The following ADAMTS12 variants were observed in gnomAD, a reference collection of about 807,000 sequenced individuals.
The protein encoded by ADAMTS12 is A disintegrin and metalloproteinase with thrombospondin motifs 12.
Under a neutral mutation model 167.8 loss-of-function variants are expected in ADAMTS12, and 118 were observed. The ratio of observed to expected loss-of-function variants is 0.70; its 90% CI spans 0.61 to 0.82. The LOEUF (loss-of-function observed/expected upper bound fraction) is 0.82, where lower values mean the gene tolerates loss of function less well. Among genes scored for constraint, ADAMTS12 ranks in the 40% least tolerant of loss-of-function variants. ADAMTS12 has a pLI of 0.00. For missense variants in ADAMTS12, 1,916 were observed against 1,998.8 expected (o/e 0.96, Z 0.79); for synonymous variants, 704 against 716.9 (o/e 0.98, Z 0.29).
At chr5:33,669,171 CA>C in intron 5 of ADAMTS12, among the ~76,000 whole-genome samples, 1 of 152,188 alleles carries the variant, frequency 6.6e-6, no homozygotes, top group Non-Finnish European at 1.5e-5. Context: ...CTATGTTCAG[CA>C]AATCATAATT....
At chr5:33,554,749 C>T (rs1454347144) in intron 20 of ADAMTS12, among the ~76,000 whole-genome samples, 2 of 152,072 alleles carry the variant, frequency 1.3e-5, no homozygotes, top group African/African-American at 2.4e-5. Context: ...AAATTCAGGT[C>T]CATAAAATGC....
intron 3 of ADAMTS12, among the ~76,000 whole-genome samples, chr5:33,715,473 G>GCATA (rs1743570461): frequency 6.6e-6 from 1 of 152,068 alleles, no homozygotes; most frequent in Non-Finnish European, 1.5e-5. Flanking sequence ...GAAAAAATAA[G>GCATA]CATATATGAG....
chr5:33,603,976 G>T (rs187986548), intron 16 of ADAMTS12, among the ~76,000 whole-genome samples: 2 of 152,276 alleles, frequency 1.3e-5, no homozygotes, highest in East Asian at 3.9e-4. Flanking sequence ...CCTTGTTAGT[G>T]TCTTACTACC....
At chr5:33,687,601 A>T (rs1274465002) in intron 3 of ADAMTS12, among the ~76,000 whole-genome samples, 1 of 152,248 alleles carries the variant, frequency 6.6e-6, no homozygotes, top group Non-Finnish European at 1.5e-5. Flanking sequence ...AAAAATTGTC[A>T]TCACTGGGGT....
intron 2 of ADAMTS12, among the ~76,000 whole-genome samples, chr5:33,793,766 GC>G (rs1746665753): frequency 6.6e-6 from 1 of 152,028 alleles, no homozygotes; most frequent in African/African-American, 2.4e-5. Context: ...CTCCCACCGT[GC>G]CCCCACCAAC....
intron 18 of ADAMTS12, among the ~76,000 whole-genome samples, chr5:33,577,692 A>G (rs1746829837): frequency 6.6e-6 from 1 of 152,180 alleles, no homozygotes; most frequent in African/African-American, 2.4e-5. Flanking sequence ...GTGGAATCAG[A>G]TTAAAAGCTA....
chr5:33,702,065 C>A (rs1392979686), intron 3 of ADAMTS12, among the ~76,000 whole-genome samples: 2 of 152,140 alleles, frequency 1.3e-5, no homozygotes, highest in African/African-American at 2.4e-5. Context: ...AAACTAAAGT[C>A]TCCAACCCAT....
Position 33,859,538 on chromosome 5 carries a change from C to A in ADAMTS12, c.489+21581G>T, listed in dbSNP as rs190360510. 6.6e-5 allele frequency among the ~76,000 whole-genome samples: 10 copies of A among 152,342 alleles called. No homozygotes were observed. The East Asian group carries it at 1.9e-3, about 29-fold the overall frequency. The stretch of plus-strand genomic sequence containing the variant: ...GGGCTTATAGATATAACTCCCATCT[C>A]CCTGGGACAGAGCATTTGGGTGAAG... On this transcript the variant is annotated intron_variant, in intron 2 of 23. Coordinates refer to ENST00000504830, the MANE Select transcript of ADAMTS12 (RefSeq NM_030955.4).
intron 2 of ADAMTS12, among the ~76,000 whole-genome samples, chr5:33,799,301 T>G (rs1746903407): frequency 6.6e-6 from 1 of 152,324 alleles, no homozygotes; most frequent in South Asian, 2.1e-4. Flanking sequence ...AATCCCAACC[T>G]TCTTTCTACT....
At chr5:33,669,555 C>T (rs567700946) in intron 5 of ADAMTS12, among the ~76,000 whole-genome samples, 3 of 152,132 alleles carry the variant, frequency 2.0e-5, no homozygotes, top group African/African-American at 7.2e-5. Flanking sequence ...TATATTTGCA[C>T]TCTATAATGT....
intron 2 of ADAMTS12, among the ~76,000 whole-genome samples, chr5:33,835,948 T>TCTCCCTCTCTCC (rs1748504045): frequency 2.8e-5 from 1 of 35,494 alleles, no homozygotes; most frequent in African/African-American, 8.8e-5. Flanking sequence ...TCTCTCTCTC[T>TCTCCCTCTCTCC]CTCTCTGTGT....
rs1743786447 is a variant in ADAMTS12 at position 33,525,794 on chromosome 5, T to C, written c.*1394A>G. The C allele has an allele frequency of 1.3e-5, 2 of 152,230 alleles. No individual in the cohort carries two copies. The allele number at this position is 152,230 out of a possible 1,614,324, so 9.4% of individuals were successfully genotyped here. On this transcript the variant is annotated 3_prime_UTR_variant, in exon 24 of 24. Transcript: ENST00000504830. ...GTCAAGAATTGGTTCTGATATCTTC[T>C]TTCATTTGAAGCTTATGCCCCTCCA... is the stretch of plus-strand genomic sequence containing the variant.
At chr5:33,591,565 T>C (rs914174169) in intron 17 of ADAMTS12, among the ~76,000 whole-genome samples, 2 of 152,192 alleles carry the variant, frequency 1.3e-5, no homozygotes, top group East Asian at 3.8e-4. Flanking sequence ...TCTTACCTCC[T>C]GGCTCTGTGT....
rs551424539 is a variant in ADAMTS12 at position 33,573,336 on chromosome 5, C to T, written c.3972+2718G>A. On this transcript the variant is annotated intron_variant, in intron 19 of 23. Transcript: ENST00000504830. Reference sequence around the variant, plus strand: ...AACAAAGCCAGAGGCATCACGCTACCTGACTTCAAACTATACTACAAGGCT... The same window carrying T: ...AACAAAGCCAGAGGCATCACGCTACTTGACTTCAAACTATACTACAAGGCT... Among the ~76,000 whole-genome samples, 34 of 152,326 alleles carry T rather than the reference C, an allele frequency of 2.2e-4. No individual in the cohort carries two copies. The East Asian group carries it at 6.6e-3, about 29-fold the overall frequency.
At chr5:33,891,193 T>C (rs1561332569) in intron 1 of ADAMTS12, among the ~76,000 whole-genome samples, 1 of 152,128 alleles carries the variant, frequency 6.6e-6, no homozygotes, top group African/African-American at 2.4e-5. Context: ...TATGGAGGTA[T>C]AGTTCCCCCA....
chr5:33,831,487 G>C (rs1054283030), intron 2 of ADAMTS12, among the ~76,000 whole-genome samples: 5 of 152,184 alleles, frequency 3.3e-5, no homozygotes, highest in African/African-American at 1.2e-4. Context: ...AGCCCAAATA[G>C]TAGTCTGGCT....
intron 2 of ADAMTS12, among the ~76,000 whole-genome samples, chr5:33,806,448 T>C (rs992520796): frequency 6.6e-5 from 10 of 152,192 alleles, no homozygotes; most frequent in African/African-American, 2.2e-4. Context: ...CAGAAAGAAG[T>C]AACTTTTTAA....
chr5:33,736,586 A>T (rs1222795297), intron 3 of ADAMTS12, among the ~76,000 whole-genome samples: 1 of 152,174 alleles, frequency 6.6e-6, no homozygotes, highest in Non-Finnish European at 1.5e-5. Context: ...ACAGAAAGTA[A>T]CCTCGACATT....
chr5:33,768,162 C>T (rs1745611860), intron 2 of ADAMTS12, among the ~76,000 whole-genome samples: 1 of 152,194 alleles, frequency 6.6e-6, no homozygotes, highest in African/African-American at 2.4e-5. Flanking sequence ...AGGAGGTCTC[C>T]ATGCTATGGA....
Sources: gnomAD v4.1 joint callset for allele counts (sites outside exome capture counted in the v4.1 genomes callset) on GRCh38, gnomAD v4.1.1 for gene constraint, MANE v1.5 for transcripts, NCBI Gene and HGNC (gene_info 2026-07-23, HGNC 2026-07-21) for gene names.